EEIG2: variants seen among roughly 807,000 people sequenced by gnomAD.
EEIG2 encodes the protein EEIG family member 2, also known as family with sequence similarity 102 member B.
the EEIG2 span, among the ~76,000 whole-genome samples, chr1:108,563,411 T>C: frequency 6.6e-6 from 1 of 152,196 alleles, no homozygotes; most frequent in South Asian, 2.1e-4. Context: ...GTAATAAACC[T>C]TAGCCATGAG....
chr1:108,606,508 A>G, the EEIG2 span, among the ~76,000 whole-genome samples: 3 of 152,344 alleles, frequency 2.0e-5, no homozygotes, highest in East Asian at 1.9e-4. Flanking sequence ...AAGCCATAGC[A>G]TGTGATAATT....
the EEIG2 span, chr1:108,638,762 G>A: frequency 6.6e-6 from 1 of 152,106 alleles, no homozygotes; most frequent in Non-Finnish European, 1.5e-5. Flanking sequence ...TATAAAAGAT[G>A]AATATACCCA....
chr1:108,606,063 G>A, the EEIG2 span, among the ~76,000 whole-genome samples: 568 of 152,174 alleles, frequency 3.7e-3, 23 homozygotes, highest in East Asian at 0.068. Flanking sequence ...TCATTTGGGG[G>A]GCTTGTGGGA....
At chr1:108,560,306 C>A in the EEIG2 span, 10 of 769,236 alleles carry the variant, frequency 1.3e-5, no homozygotes, top group Non-Finnish European at 1.6e-5. Flanking sequence ...GCGGCGCCCC[C>A]CGGCCGCGCC....
chr1:108,594,539 T>C, the EEIG2 span, among the ~76,000 whole-genome samples: 2 of 152,216 alleles, frequency 1.3e-5, no homozygotes, highest in Admixed American at 6.5e-5. Context: ...AGTTCCTTTA[T>C]CTATAAAATG....
the EEIG2 span, among the ~76,000 whole-genome samples, chr1:108,571,488 G>A: frequency 1.3e-5 from 2 of 152,300 alleles, no homozygotes; most frequent in Admixed American, 6.5e-5. Flanking sequence ...AACAGAATGA[G>A]TTGAAGTGAG....
At chr1:108,564,876 G>A in the EEIG2 span, among the ~76,000 whole-genome samples, 47 of 152,140 alleles carry the variant, frequency 3.1e-4, no homozygotes, top group East Asian at 8.9e-3. Flanking sequence ...GAACCCGGGA[G>A]GCAGAGGTTG....
At chr1:108,619,765 C>G in the EEIG2 span, among the ~76,000 whole-genome samples, 2 of 152,176 alleles carry the variant, frequency 1.3e-5, no homozygotes, top group Non-Finnish European at 2.9e-5. Flanking sequence ...GGTGGTGCGC[C>G]TGTCGTCCCA....
the EEIG2 span, among the ~76,000 whole-genome samples, chr1:108,583,297 A>T: frequency 6.6e-6 from 1 of 151,992 alleles, no homozygotes; most frequent in Non-Finnish European, 1.5e-5. Flanking sequence ...GGTGCACACC[A>T]CCACACCTGC....
the EEIG2 span, among the ~76,000 whole-genome samples, chr1:108,631,640 T>C: frequency 0.026 from 3,921 of 152,240 alleles, 172 homozygotes; most frequent in African/African-American, 0.089. Context: ...GTAATTATGA[T>C]ATATAATTAT....
At chr1:108,625,357 T>C in the EEIG2 span, 1 of 152,284 alleles carries the variant, frequency 6.6e-6, no homozygotes, top group Non-Finnish European at 1.5e-5. Context: ...GTGGGGATAA[T>C]GTCAAGGTTG....
chr1:108,579,772 T>TGAGAGAGA, the EEIG2 span, among the ~76,000 whole-genome samples: 1,512 of 58,860 alleles, frequency 0.026, 50 homozygotes, highest in Non-Finnish European at 0.037. Context: ...TGTGTGTGTG[T>TGAGAGAGA]GAGAGAGAGA....
At chr1:108,615,618 A>G in the EEIG2 span, among the ~76,000 whole-genome samples, 1 of 151,850 alleles carries the variant, frequency 6.6e-6, no homozygotes, top group East Asian at 1.9e-4. Context: ...CTGCAAAAAA[A>G]AAAGAAAAAG....
the EEIG2 span, among the ~76,000 whole-genome samples, chr1:108,582,662 A>AT: frequency 0.98 from 148,741 of 152,220 alleles, 72,758 homozygotes; most frequent in Non-Finnish European, 1. Context: ...ACTTAACAGA[A>AT]TTTTTTCTTT....
At chr1:108,595,304 AG>A in the EEIG2 span, among the ~76,000 whole-genome samples, 1 of 138,496 alleles carries the variant, frequency 7.2e-6, no homozygotes, top group Non-Finnish European at 1.6e-5. Flanking sequence ...AGAAGGAAGA[AG>A]GGAGGGAGGG....
chr1:108,591,007 C>T, the EEIG2 span, among the ~76,000 whole-genome samples: 1 of 152,160 alleles, frequency 6.6e-6, no homozygotes, highest in Non-Finnish European at 1.5e-5. Context: ...TATTTTATGT[C>T]AGCAGCTGTA....
chr1:108,616,448 A>C, the EEIG2 span: 4 of 1,484,170 alleles, frequency 2.7e-6, no homozygotes, highest in Non-Finnish European at 3.8e-6. Context: ...TACCCAATAA[A>C]TGGATTATGT....
At chr1:108,579,797 A>AGAGAGAG in the EEIG2 span, among the ~76,000 whole-genome samples, 5 of 25,250 alleles carry the variant, frequency 2.0e-4, no homozygotes, top group South Asian at 1.5e-3. Context: ...GAGAGAGAGA[A>AGAGAGAG]AGAAACCCAC....
At chr1:108,609,622 A>G in the EEIG2 span, among the ~76,000 whole-genome samples, 2 of 152,204 alleles carry the variant, frequency 1.3e-5, no homozygotes, top group Admixed American at 1.3e-4. Context: ...CATTTTCAAG[A>G]AAGAGGACAT....
Sources: gnomAD v4.1 joint callset for allele counts (sites outside exome capture counted in the v4.1 genomes callset) on GRCh38, gnomAD v4.1.1 for gene constraint, MANE v1.5 for transcripts, NCBI Gene and HGNC (gene_info 2026-07-23, HGNC 2026-07-21) for gene names.